Variants in ATG10 observed in about 807,000 individuals in gnomAD.
ATG10 encodes ubiquitin-like-conjugating enzyme ATG10.
ATG10 carries 30 observed loss-of-function variants against 32.1 expected under a neutral mutation model. That is an observed-to-expected ratio of 0.94 (90% CI 0.70 to 1.27). ATG10 has a LOEUF of 1.27. Among genes scored for constraint, ATG10 ranks in the 50% most tolerant of loss-of-function variants. ATG10 has a pLI of 0.00. For missense variants in ATG10, 233 were observed against 262.3 expected, an observed-to-expected ratio of 0.89 and a Z score of 0.77; for synonymous variants, 87 against 91.5, an observed-to-expected ratio of 0.95 and a Z score of 0.28.
chr5:82,210,495 A>G (rs1745452908), intron 5 of ATG10, among the ~76,000 whole-genome samples: 1 of 152,144 alleles, frequency 6.6e-6, no homozygotes, highest in Non-Finnish European at 1.5e-5. Flanking sequence ...TCCTTGGTAT[A>G]CCCTGAACTT....
intron 2 of ATG10, among the ~76,000 whole-genome samples, chr5:82,016,765 C>T (rs191629318): frequency 1.8e-3 from 271 of 151,606 alleles, no homozygotes; most frequent in African/African-American, 4.4e-3. Context: ...CTCAGCTCAC[C>T]GCAAGCTCTG....
intron 3 of ATG10, among the ~76,000 whole-genome samples, chr5:82,075,969 G>A (rs1310116042): frequency 2.0e-5 from 3 of 151,994 alleles, no homozygotes; most frequent in African/African-American, 7.2e-5. Flanking sequence ...CAAAACAACA[G>A]CAACAACAAA....
At chr5:82,007,325 C>T (rs1247323075) in intron 2 of ATG10, among the ~76,000 whole-genome samples, 1 of 152,158 alleles carries the variant, frequency 6.6e-6, no homozygotes, top group African/African-American at 2.4e-5. Flanking sequence ...CATTATTAAA[C>T]AGTATTAAAA....
At chr5:82,139,674 G>A (rs1247085354) in intron 3 of ATG10, among the ~76,000 whole-genome samples, 14 of 144,928 alleles carry the variant, frequency 9.7e-5, no homozygotes, top group South Asian at 2.2e-4. Context: ...AGTGAGGAGC[G>A]TCTCCGCCCG....
intron 3 of ATG10, among the ~76,000 whole-genome samples, chr5:82,103,783 A>G (rs1765357623): frequency 6.6e-6 from 1 of 152,104 alleles, no homozygotes; most frequent in African/African-American, 2.4e-5. Flanking sequence ...GGTGTTCACA[A>G]AGTGATCCCA....
intron 5 of ATG10, among the ~76,000 whole-genome samples, chr5:82,235,308 TGA>T (rs1376038983): frequency 6.6e-6 from 1 of 152,170 alleles, no homozygotes; most frequent in Non-Finnish European, 1.5e-5. Flanking sequence ...TTCCAGGAAA[TGA>T]CATGGTCAAC....
At chr5:82,092,450 G>A (rs1561294842) in intron 3 of ATG10, among the ~76,000 whole-genome samples, 1 of 152,160 alleles carries the variant, frequency 6.6e-6, no homozygotes, top group Non-Finnish European at 1.5e-5. Context: ...TTAATGGCTT[G>A]CAGCAACGTG....
At chr5:82,138,768 A>G (rs1049391243) in intron 3 of ATG10, among the ~76,000 whole-genome samples, 1 of 152,012 alleles carries the variant, frequency 6.6e-6, no homozygotes, top group Non-Finnish European at 1.5e-5. Flanking sequence ...CATTATTACT[A>G]TTTAAATTTT....
chr5:82,102,965 T>C (rs2252838), intron 3 of ATG10, among the ~76,000 whole-genome samples: 150,026 of 152,276 alleles, frequency 0.99, 73,937 homozygotes, highest in Middle Eastern at 1. Flanking sequence ...CTGAATTGAG[T>C]TATGTTTTCT....
At chr5:82,113,495 T>A (rs529292860) in intron 3 of ATG10, among the ~76,000 whole-genome samples, 10 of 152,058 alleles carry the variant, frequency 6.6e-5, no homozygotes, top group East Asian at 3.9e-4. Flanking sequence ...GGGAATGATA[T>A]TTTATATTTA....
chr5:81,989,570 A>T (rs1199368502), intron 2 of ATG10, among the ~76,000 whole-genome samples: 1 of 151,448 alleles, frequency 6.6e-6, no homozygotes, highest in Non-Finnish European at 1.5e-5. Flanking sequence ...GTTCTTGGGT[A>T]TATTTTATAG....
At chr5:82,001,607 T>G (rs1180547540) in intron 2 of ATG10, among the ~76,000 whole-genome samples, 2 of 152,142 alleles carry the variant, frequency 1.3e-5, no homozygotes, top group East Asian at 3.8e-4. Flanking sequence ...TGCAGAGAAT[T>G]GAAACAGGAC....
At chr5:82,155,987 G>A (rs1362137594) in intron 3 of ATG10, among the ~76,000 whole-genome samples, 5 of 152,034 alleles carry the variant, frequency 3.3e-5, no homozygotes, top group African/African-American at 1.2e-4. Context: ...GCCATTAATA[G>A]TTTAGCAAGA....
Position 82,243,818 on chromosome 5 carries a change from G to A in ATG10, c.454-8744G>A, listed in dbSNP as rs536795565. ...AATCTAATGAAACATGTAGAACAGTGTAGCCAACACTGAAGATTACATATA... is the reference window on the plus strand; with the variant it reads ...AATCTAATGAAACATGTAGAACAGTATAGCCAACACTGAAGATTACATATA... On this transcript the variant is annotated intron_variant, in intron 5 of 7. Coordinates refer to ENST00000282185, the MANE Select transcript of ATG10 (RefSeq NM_031482.5). Among the ~76,000 whole-genome samples, 4 of 152,194 alleles carry A rather than the reference G, an allele frequency of 2.6e-5. No homozygotes were observed. The South Asian group carries it at 6.2e-4, about 24-fold the overall frequency.
intron 4 of ATG10, among the ~76,000 whole-genome samples, chr5:82,175,742 A>C (rs1408820450): frequency 6.6e-6 from 1 of 152,210 alleles, no homozygotes; most frequent in African/African-American, 2.4e-5. Context: ...CTTTCTCACT[A>C]AAGTCTAAAA....
intron 3 of ATG10, among the ~76,000 whole-genome samples, chr5:82,114,916 C>A (rs752654203): frequency 6.6e-6 from 1 of 151,964 alleles, no homozygotes; most frequent in African/African-American, 2.4e-5. Flanking sequence ...ACAATATGAT[C>A]GCTACTAGCC....
chr5:82,147,555 T>C (rs1212141819), intron 3 of ATG10: 2 of 152,262 alleles, frequency 1.3e-5, no homozygotes, highest in Non-Finnish European at 2.9e-5. Flanking sequence ...AGACTCAAAT[T>C]GCAAACTGTC....
intron 5 of ATG10, among the ~76,000 whole-genome samples, chr5:82,182,371 A>C (rs189193280): frequency 9.2e-5 from 14 of 152,164 alleles, no homozygotes; most frequent in Non-Finnish European, 2.1e-4. Flanking sequence ...ATTTTATTTC[A>C]TCCCTACATA....
At chr5:82,020,321 A>T (rs1248776739) in intron 2 of ATG10, among the ~76,000 whole-genome samples, 1 of 152,238 alleles carries the variant, frequency 6.6e-6, no homozygotes, top group Non-Finnish European at 1.5e-5. Flanking sequence ...ATTTTGAGAC[A>T]AGTCTTCAGA....
Sources: gnomAD v4.1 joint callset for allele counts (sites outside exome capture counted in the v4.1 genomes callset) on GRCh38, gnomAD v4.1.1 for gene constraint, MANE v1.5 for transcripts, NCBI Gene and HGNC (gene_info 2026-07-23, HGNC 2026-07-21) for gene names.